The following PCDHGB6 variants were observed in gnomAD, a reference collection of about 807,000 sequenced individuals.
PCDHGB6 encodes protocadherin gamma-B6.
In PCDHGB6, 51 loss-of-function variants were observed where a neutral mutation model predicts 59.1. The observed-to-expected ratio is 0.86, with a 90% confidence interval of 0.69 to 1.09. PCDHGB6 has a LOEUF of 1.09. Ranked by LOEUF, PCDHGB6 falls within the 50% of genes least tolerant of loss-of-function variation. PCDHGB6 has a pLI of 0.00. For missense variants in PCDHGB6, 1,148 were observed against 1,205.1 expected, an observed-to-expected ratio of 0.95 and a Z score of 0.70; for synonymous variants, 466 against 495.1, an observed-to-expected ratio of 0.94 and a Z score of 0.78.
intron 1 of PCDHGB6, among the ~76,000 whole-genome samples, chr5:141,460,959 A>ATG (rs1248175237): frequency 7.9e-6 from 1 of 126,082 alleles, no homozygotes; most frequent in Non-Finnish European, 1.6e-5. Flanking sequence ...ATGTATATAT[A>ATG]TATGTGTGTG....
chr5:141,426,451 C>T (rs561567196), intron 1 of PCDHGB6: 1 of 308,946 alleles, frequency 3.2e-6, no homozygotes, highest in Non-Finnish European at 6.4e-6. Flanking sequence ...GGACATGCGG[C>T]TGCATGTTCA....
intron 1 of PCDHGB6, among the ~76,000 whole-genome samples, chr5:141,462,448 G>A (rs1435453503): frequency 6.6e-6 from 1 of 152,022 alleles, no homozygotes; most frequent in Non-Finnish European, 1.5e-5. Context: ...ACACAACTGT[G>A]TAACTGAAAA....
At chr5:141,415,740 G>GTTTTTTTTTTTTTTTTTTGTTTTTTTTT in intron 1 of PCDHGB6, 1 of 617,992 alleles carries the variant, frequency 1.6e-6, no homozygotes, top group Non-Finnish European at 2.1e-6. Flanking sequence ...GTTTATTAAG[G>GTTTTTTTTTTTTTTTTTTGTTTTTTTTT]TTTTTTTTTT....
At chr5:141,417,941 A>T (rs1319967892) in intron 1 of PCDHGB6, 1 of 1,612,890 alleles carries the variant, frequency 6.2e-7, no homozygotes, top group South Asian at 1.1e-5. Context: ...GTTCTACCCC[A>T]CGCTGTGTGA....
At position 141,481,468 on chromosome 5, in the gene PCDHGB6, G is replaced by A. The variant is rs575259839; in HGVS notation, c.2419-13339G>A. Among the ~76,000 whole-genome samples the A allele has an allele frequency of 2.6e-5, 4 of 152,332 alleles. No homozygotes were observed. In the South Asian group the frequency reaches 8.3e-4, roughly 32 times the overall value. On this transcript the variant is annotated intron_variant, in intron 1 of 3. Transcript: ENST00000520790. Reference sequence around the variant, plus strand: ...CATGTAAATACACTGAAAACCATTGGATTATACACTTTAAATATGTGATTT... The same window carrying A: ...CATGTAAATACACTGAAAACCATTGAATTATACACTTTAAATATGTGATTT...
intron 1 of PCDHGB6, among the ~76,000 whole-genome samples, chr5:141,482,800 G>C (rs10052648): frequency 0.023 from 2,992 of 130,874 alleles, 96 homozygotes; most frequent in African/African-American, 0.087. Context: ...GGCCGGGTAC[G>C]GTGGCTCATG....
chr5:141,417,038 T>TTA (rs1491140470), intron 1 of PCDHGB6: 1 of 145,854 alleles, frequency 6.9e-6, no homozygotes, highest in Non-Finnish European at 1.5e-5. Context: ...GTTTTTTTTT[T>TTA]AAAAAAAACT....
chr5:141,510,825 G>C, intron 3 of PCDHGB6, 122 bp from the exon 4 acceptor site: 2 of 1,566,486 alleles, frequency 1.3e-6, no homozygotes, highest in Non-Finnish European at 1.7e-6. Flanking sequence ...TATATTCCCA[G>C]TGCTCAGCGT....
intron 1 of PCDHGB6, chr5:141,426,414 G>A (rs2096934345): frequency 3.5e-6 from 1 of 287,986 alleles, no homozygotes; most frequent in Admixed American, 4.4e-5. Context: ...AAACGGTCCA[G>A]GGCTCCGTGG....
chr5:141,469,753 T>C (rs564585597), intron 1 of PCDHGB6, among the ~76,000 whole-genome samples: 1 of 152,322 alleles, frequency 6.6e-6, no homozygotes, highest in East Asian at 1.9e-4. Flanking sequence ...ATTACAAAAA[T>C]ACATATATAC....
chr5:141,486,816 C>G lies in PCDHGB6; in HGVS notation c.2419-7991C>G. The G allele has an allele frequency of 6.2e-7, 1 of 1,614,252 alleles. No individual in the cohort carries two copies. Among genetic ancestry groups the G allele is most frequent in the East Asian group, 2.2e-5 (1 of 44,884 alleles). ...CGGGGCAACCCACCCCTTAGCAGCACTGTAACAGTTCGTCTATTTGTGCTG... is the reference window on the plus strand; with the variant it reads ...CGGGGCAACCCACCCCTTAGCAGCAGTGTAACAGTTCGTCTATTTGTGCTG... On this transcript the variant is annotated intron_variant, in intron 1 of 3. Coordinates refer to ENST00000520790, the MANE Select transcript of PCDHGB6 (RefSeq NM_018926.3). The surrounding 1 kb of genome is among the most constrained non-coding windows in gnomAD (Gnocchi z 5.0).
intron 1 of PCDHGB6, among the ~76,000 whole-genome samples, chr5:141,456,544 G>C (rs1020609068): frequency 6.6e-6 from 1 of 152,192 alleles, no homozygotes; most frequent in Non-Finnish European, 1.5e-5. Context: ...AGGGATTGTA[G>C]CCACTCGGGG....
Position 141,491,509 on chromosome 5 carries a change from C to T in PCDHGB6, c.2419-3298C>T. 6.2e-7 allele frequency: 1 copy of T among 1,614,058 alleles called. No individual in the cohort carries two copies. Among genetic ancestry groups the T allele is most frequent in the Non-Finnish European group, 8.5e-7 (1 of 1,180,022 alleles). On this transcript the variant is annotated intron_variant, in intron 1 of 3. Coordinates refer to ENST00000520790, the MANE Select transcript of PCDHGB6 (RefSeq NM_018926.3). The surrounding 1 kb of genome is among the most constrained non-coding windows in gnomAD (Gnocchi z 6.9). Reference sequence around the variant, plus strand: ...CCTGCAGGTGAGCTCGGACGGCACGCTCAAGTACATGGAGGTGACGCTGCG... The same window carrying T: ...CCTGCAGGTGAGCTCGGACGGCACGTTCAAGTACATGGAGGTGACGCTGCG...
Position 141,474,403 on chromosome 5 carries a change from C to T in PCDHGB6, c.2419-20404C>T, listed in dbSNP as rs553745731. ...ATTTCTGCATTTCTAACAAGCTCCC[C>T]GGTGATGCCTAGACCATTGGTCCTC... is the stretch of plus-strand genomic sequence containing the variant. On this transcript the variant is annotated intron_variant, in intron 1 of 3. Coordinates refer to ENST00000520790, the MANE Select transcript of PCDHGB6 (RefSeq NM_018926.3). Among the ~76,000 whole-genome samples, 121 of 152,282 alleles carry T rather than the reference C, an allele frequency of 7.9e-4. 1 individual carries two copies. Among genetic ancestry groups the T allele is most frequent in the Admixed American group, 3.9e-3 (59 of 15,292 alleles).
chr5:141,413,224 C>G, intron 1 of PCDHGB6: 1 of 1,613,790 alleles, frequency 6.2e-7, no homozygotes, highest in Non-Finnish European at 8.5e-7. Context: ...TTGCAGCGGG[C>G]TGGTCCTGCT....
At chr5:141,438,418 G>C (rs2097959406) in intron 1 of PCDHGB6, among the ~76,000 whole-genome samples, 1 of 151,534 alleles carries the variant, frequency 6.6e-6, no homozygotes, top group Admixed American at 6.6e-5. Flanking sequence ...ATTTCACACA[G>C]TAGTTTGTAC....
Position 141,487,265 on chromosome 5 carries a change from G to C in PCDHGB6, c.2419-7542G>C, listed in dbSNP as rs144347539. 6,978 of 1,614,152 alleles carry C rather than the reference G, an allele frequency of 4.3e-3. 28 individuals carry two copies. Among genetic ancestry groups the C allele is most frequent in the Non-Finnish European group, 4.9e-3 (5,770 of 1,180,028 alleles). ...AACCCTCTACTTGGCTGTGTCCCTA[G>C]TGGCAATTTGCTTTGTCTCCTTTGG... On this transcript the variant is annotated intron_variant, in intron 1 of 3. Coordinates refer to ENST00000520790, the MANE Select transcript of PCDHGB6 (RefSeq NM_018926.3). This position sits in a 1 kb window ranked among gnomAD's most constrained non-coding sequence, Gnocchi z 5.0.
chr5:141,499,551 A>T (rs1178321389), intron 2 of PCDHGB6, among the ~76,000 whole-genome samples: 1 of 152,200 alleles, frequency 6.6e-6, no homozygotes, highest in Non-Finnish European at 1.5e-5. Flanking sequence ...AACCTGTATG[A>T]TACCACTATC....
chr5:141,411,001 C>G lies in PCDHGB6; in HGVS notation c.2418+381C>G, dbSNP rs2095456042. 1.8e-5 allele frequency: 3 copies of G among 168,822 alleles called. No individual in the cohort carries two copies. The South Asian group carries it at 4.7e-4, about 26-fold the overall frequency. The allele number at this position is 168,822 out of a possible 1,614,324, so 10.5% of individuals were successfully genotyped here. ...CCCAAGTAGCTGGGATTACTGGTGC[C>G]CCTCACCACAGCTAAATTTTTTGTA... On this transcript the variant is annotated intron_variant, in intron 1 of 3. Coordinates refer to ENST00000520790, the MANE Select transcript of PCDHGB6 (RefSeq NM_018926.3).
Sources: allele counts gnomAD v4.1 joint callset (sites outside exome capture counted in the v4.1 genomes callset), GRCh38; gene constraint gnomAD v4.1.1; non-coding constraint Gnocchi (gnomAD v3.1); transcripts MANE v1.5; gene names NCBI Gene and HGNC (gene_info 2026-07-23, HGNC 2026-07-21).